The following INTS6 variants were observed in gnomAD, a reference collection of about 807,000 sequenced individuals.
The protein encoded by INTS6 is DEAD box protein.
INTS6 carries 16 observed loss-of-function variants against 104.9 expected under a neutral mutation model. The observed-to-expected ratio is 0.15, with a 90% CI of 0.10 to 0.23. The LOEUF is 0.23. Ranked by LOEUF, INTS6 falls within the 10% of genes least tolerant of loss-of-function variation. The pLI, the probability that INTS6 is intolerant of heterozygous loss-of-function variation, is 1.00. For synonymous variants in INTS6, 324 were observed against 358.7 expected, an observed-to-expected ratio of 0.90 and a Z score of 1.09; for missense variants, 584 against 1,062.8, an observed-to-expected ratio of 0.55 and a Z score of 6.26.
At chr13:51,385,815 T>G (rs1956132276) in intron 7 of INTS6, among the ~76,000 whole-genome samples, 1 of 152,182 alleles carries the variant, frequency 6.6e-6, no homozygotes. Context: ...TTCAACCACT[T>G]AAAATCTCTT....
intron 15 of INTS6, among the ~76,000 whole-genome samples, chr13:51,370,565 G>C (rs762048970): frequency 7.2e-5 from 11 of 152,146 alleles, no homozygotes; most frequent in Non-Finnish European, 7.3e-5. Flanking sequence ...CGTTTTGTTG[G>C]GGGCTACATA....
intron 9 of INTS6, among the ~76,000 whole-genome samples, chr13:51,382,955 T>C: frequency 6.6e-6 from 1 of 152,102 alleles, no homozygotes; most frequent in East Asian, 1.9e-4. Flanking sequence ...TGTATGCCTG[T>C]AGTCCCAGCT....
chr13:51,344,201 C>A, the INTS6 span: 2 of 1,367,636 alleles, frequency 1.5e-6, no homozygotes, highest in Non-Finnish European at 2.1e-6. Context: ...GTTGTGCTAA[C>A]TCCTTACTCA....
intron 11 of INTS6, among the ~76,000 whole-genome samples, chr13:51,378,976 T>C: frequency 6.6e-6 from 1 of 152,160 alleles, no homozygotes; most frequent in South Asian, 2.1e-4. Context: ...TCATAGGACA[T>C]TAATAATTTC....
At chr13:51,348,948 T>C in the INTS6 span, among the ~76,000 whole-genome samples, 11 of 152,212 alleles carry the variant, frequency 7.2e-5, no homozygotes, top group African/African-American at 2.7e-4. Context: ...TAAATGGAGG[T>C]GAACTCTCCT....
chr13:51,340,381 T>C, the INTS6 span, among the ~76,000 whole-genome samples: 1 of 152,206 alleles, frequency 6.6e-6, no homozygotes, highest in African/African-American at 2.4e-5. Context: ...ATATTCTTTT[T>C]TAGAGACTAA....
intron 16 of INTS6, 121 bp from the exon 17 acceptor site, chr13:51,368,019 A>G (rs41292770): frequency 5.0e-4 from 262 of 520,312 alleles, no homozygotes; most frequent in Non-Finnish European, 7.9e-4. Context: ...CTACATAAAA[A>G]TTTCACCACT....
At chr13:51,450,726 G>A in intron 3 of INTS6, 2 of 1,031,810 alleles carry the variant, frequency 1.9e-6, no homozygotes, top group Non-Finnish European at 1.2e-6. Flanking sequence ...GGTGTGGTAG[G>A]ATGCTTTTCC....
At chr13:51,397,558 C>G (rs1416464913) in intron 4 of INTS6, among the ~76,000 whole-genome samples, 1 of 152,200 alleles carries the variant, frequency 6.6e-6, no homozygotes, top group Non-Finnish European at 1.5e-5. Flanking sequence ...GCCCTTGCTG[C>G]TATTACCACA....
chr13:51,334,593 C>T, the INTS6 span, among the ~76,000 whole-genome samples: 10 of 152,132 alleles, frequency 6.6e-5, no homozygotes, highest in African/African-American at 2.4e-4. Flanking sequence ...AATAAACTTA[C>T]TTTAAAATTT....
At chr13:51,336,000 TGAG>T in the INTS6 span, 7 of 152,292 alleles carry the variant, frequency 4.6e-5, no homozygotes, top group South Asian at 8.3e-4. Context: ...TGGCATGAAC[TGAG>T]GAGGAGGATT....
At chr13:51,442,887 C>T (rs1247578466) in intron 3 of INTS6, 1 of 152,198 alleles carries the variant, frequency 6.6e-6, no homozygotes, top group Non-Finnish European at 1.5e-5. Flanking sequence ...AATTCATTTA[C>T]TTTCTGCCAA....
chr13:51,432,793 T>A (rs925421481), intron 3 of INTS6, among the ~76,000 whole-genome samples: 1 of 152,222 alleles, frequency 6.6e-6, no homozygotes, highest in African/African-American at 2.4e-5. Flanking sequence ...TCTTGTGTCT[T>A]TCAGCCATCC....
intron 4 of INTS6, among the ~76,000 whole-genome samples, chr13:51,411,736 C>T: frequency 6.6e-6 from 1 of 152,128 alleles, no homozygotes; most frequent in East Asian, 1.9e-4. Context: ...CAAAATAGTA[C>T]AAACACTTTG....
chr13:51,413,919 GC>G (rs1488041205), intron 4 of INTS6, among the ~76,000 whole-genome samples: 1 of 152,082 alleles, frequency 6.6e-6, no homozygotes, highest in Non-Finnish European at 1.5e-5. Context: ...TCTGATAACT[GC>G]CCGTCCACAT....
rs1305057879 is a variant in INTS6, at chr13:51,363,859, G to GA, written c.*1892dup. 6.5e-6 allele frequency: 1 copy of GA among 155,022 alleles called. No homozygotes were observed. The highest frequency in any genetic ancestry group is 1.9e-4 in the East Asian group (1 of 5,354). 9.6% of individuals were successfully genotyped at this position (155,022 alleles called of 1,614,324 possible). The stretch of plus-strand genomic sequence containing the variant: ...CTCACCTCCCTCCAGGGTTCATTCA[G>GA]AAAAATGTATTAAAGGTCATGAGCA... On this transcript the variant is annotated 3_prime_UTR_variant, in exon 18 of 18. Transcript: ENST00000311234.
chr13:51,450,948 A>G lies in INTS6; in HGVS notation c.339+77T>C, dbSNP rs1423235338. On this transcript the variant is annotated intron_variant, in intron 3 of 17. Transcript: ENST00000311234. ...ATGTTTTATACTTGCATTTCATGTTATGTAGTTTTTGGACTGGACTGTGTT... is the reference window on the plus strand; with the variant it reads ...ATGTTTTATACTTGCATTTCATGTTGTGTAGTTTTTGGACTGGACTGTGTT... 4 of 1,392,752 alleles carry G rather than the reference A, an allele frequency of 2.9e-6. No homozygotes were observed. The Admixed American group carries it at 8.4e-5, about 29-fold the overall frequency. The allele number at this position is 1,392,752 out of a possible 1,614,324, so 86.3% of individuals were successfully genotyped here. A position where few individuals can be genotyped will look rare whatever the true frequency, so the allele number is the denominator to read the frequency against.
rs770795413 is a variant in INTS6 at position 51,451,938 on chromosome 13, G to A, written c.189+40C>T. 8 of 1,512,952 alleles carry A rather than the reference G, an allele frequency of 5.3e-6. No homozygotes were observed. The African/African-American group carries it at 8.3e-5, about 16-fold the overall frequency. The allele number at this position is 1,512,952 out of a possible 1,614,324, so 93.7% of individuals were successfully genotyped here. ...GGGAGGGCGAGCGAGGAAGGAACAG[G>A]GAAGGGAAGGGAGGAAAGGGGGAGG... On this transcript the variant is annotated intron_variant, in intron 2 of 17. Coordinates refer to ENST00000311234, the MANE Select transcript of INTS6 (RefSeq NM_012141.3).
At chr13:51,367,423 C>T (rs1001521447) in intron 17 of INTS6, among the ~76,000 whole-genome samples, 14 of 151,886 alleles carry the variant, frequency 9.2e-5, no homozygotes, top group East Asian at 1.9e-4. Flanking sequence ...TCCTTAATTA[C>T]GTTTTCCCAT....
Sources: gnomAD v4.1 joint callset for allele counts (sites outside exome capture counted in the v4.1 genomes callset) on GRCh38, gnomAD v4.1.1 for gene constraint, MANE v1.5 for transcripts, NCBI Gene and HGNC (gene_info 2026-07-23, HGNC 2026-07-21) for gene names.